KCNMA1: variants seen among roughly 807,000 people sequenced by gnomAD.
KCNMA1 encodes the protein Calcium-activated potassium channel subunit alpha-1.
In KCNMA1, 29 loss-of-function variants were observed where a neutral mutation model predicts 140.0. That is an observed-to-expected ratio of 0.21 (90% CI 0.15 to 0.28). The LOEUF (loss-of-function observed/expected upper bound fraction) is 0.28. Ranked by LOEUF, KCNMA1 falls within the 10% of genes least tolerant of loss-of-function variation. The pLI is 1.00. For missense variants in KCNMA1, 880 were observed against 1,602.2 expected (o/e 0.55, Z 7.70); for synonymous variants, 612 against 611.9 (o/e 1.00, Z 0.00).
At chr10:77,572,444 A>C (rs2071766918) in intron 1 of KCNMA1, among the ~76,000 whole-genome samples, 1 of 150,446 alleles carries the variant, frequency 6.6e-6, no homozygotes, top group Non-Finnish European at 1.5e-5. Flanking sequence ...CTTATCAAAA[A>C]AAAATTCATT....
intron 9 of KCNMA1, among the ~76,000 whole-genome samples, chr10:77,101,612 G>T (rs1008087958): frequency 6.6e-6 from 1 of 152,182 alleles, no homozygotes; most frequent in Admixed American, 6.5e-5. Flanking sequence ...TCAGGCTGGG[G>T]AAGTCACGTG....
At chr10:77,198,884 TA>T (rs2041581674) in intron 3 of KCNMA1, among the ~76,000 whole-genome samples, 1 of 152,120 alleles carries the variant, frequency 6.6e-6, no homozygotes, top group Non-Finnish European at 1.5e-5. Flanking sequence ...TTACTCCTTC[TA>T]AAATGTTCTC....
intron 23 of KCNMA1, among the ~76,000 whole-genome samples, chr10:76,927,752 A>T (rs1209314367): frequency 1.3e-5 from 2 of 152,210 alleles, no homozygotes; most frequent in Non-Finnish European, 2.9e-5. Context: ...TTGTTGTCTC[A>T]TTAAAAAGGA....
intron 3 of KCNMA1, among the ~76,000 whole-genome samples, chr10:77,222,824 G>A (rs2050117812): frequency 6.6e-6 from 1 of 152,218 alleles, no homozygotes; most frequent in Admixed American, 6.5e-5. Context: ...GATTGAAGCT[G>A]ATTGCCATTC....
rs997116689 is a variant in KCNMA1, at chr10:76,887,117, C to T, written c.*149G>A. ...TATGGTGGTGAAATAAAAATGACAA[C>T]CACATGCACACTATCATACATATGC... On this transcript the variant is annotated 3_prime_UTR_variant, in exon 28 of 28. Transcript: ENST00000286628. The T allele has an allele frequency of 3.8e-6, 6 of 1,584,842 alleles. No homozygotes were observed. In the Admixed American group the frequency reaches 5.1e-5, roughly 13 times the overall value.
chr10:77,126,870 C>T (rs1454707257), intron 5 of KCNMA1, among the ~76,000 whole-genome samples: 1 of 152,084 alleles, frequency 6.6e-6, no homozygotes, highest in African/African-American at 2.4e-5. Context: ...CACCCTTATT[C>T]CCTCACAGGC....
chr10:77,573,057 A>C (rs1181978829), intron 1 of KCNMA1, among the ~76,000 whole-genome samples: 2 of 152,162 alleles, frequency 1.3e-5, no homozygotes, highest in Admixed American at 6.5e-5. Context: ...AAAAACACTC[A>C]CTTTTCAGAG....
chr10:77,144,639 G>A (rs1419703409), intron 5 of KCNMA1, among the ~76,000 whole-genome samples: 1 of 152,136 alleles, frequency 6.6e-6, no homozygotes, highest in Non-Finnish European at 1.5e-5. Context: ...GTATCTCCCT[G>A]TCAACAGAGA....
At chr10:77,052,620 C>CAAAAA (rs5786258) in intron 14 of KCNMA1, among the ~76,000 whole-genome samples, 3 of 141,580 alleles carry the variant, frequency 2.1e-5, no homozygotes, top group African/African-American at 2.6e-5. Flanking sequence ...GATGAGTGTG[C>CAAAAA]AAAAAAAAAA....
At chr10:77,372,690 A>C (rs1234805243) in intron 2 of KCNMA1, among the ~76,000 whole-genome samples, 1 of 152,166 alleles carries the variant, frequency 6.6e-6, no homozygotes, top group East Asian at 1.9e-4. Context: ...CCAAGTCATA[A>C]CTGGACATAA....
At chr10:77,519,162 C>T (rs2051828739) in intron 1 of KCNMA1, among the ~76,000 whole-genome samples, 1 of 152,276 alleles carries the variant, frequency 6.6e-6, no homozygotes, top group Non-Finnish European at 1.5e-5. Flanking sequence ...TTCAGCCCGC[C>T]TGGCCTGGGC....
At chr10:77,025,279 T>TATATAC (rs1555137436) in intron 16 of KCNMA1, among the ~76,000 whole-genome samples, 2 of 132,394 alleles carry the variant, frequency 1.5e-5, no homozygotes, top group South Asian at 2.5e-4. Flanking sequence ...TATATATATA[T>TATATAC]ATACACACAC....
intron 5 of KCNMA1, among the ~76,000 whole-genome samples, chr10:77,168,877 GATA>G (rs534722789): frequency 1.3e-4 from 20 of 152,236 alleles, no homozygotes; most frequent in African/African-American, 4.3e-4. Context: ...TAAAAAGAAA[GATA>G]ATAATTTTTT....
chr10:76,999,693 G>GT (rs1353951028), intron 19 of KCNMA1, among the ~76,000 whole-genome samples: 2 of 152,172 alleles, frequency 1.3e-5, no homozygotes, highest in South Asian at 2.1e-4. Context: ...TCTAAGGATT[G>GT]TAACAGAAAT....
At chr10:77,085,822 T>G (rs1275599138) in intron 11 of KCNMA1, among the ~76,000 whole-genome samples, 1 of 152,220 alleles carries the variant, frequency 6.6e-6, no homozygotes, top group Non-Finnish European at 1.5e-5. Flanking sequence ...ATGCAAATAT[T>G]GAACATGCTT....
At chr10:77,196,145 A>G (rs2040400040) in intron 3 of KCNMA1, among the ~76,000 whole-genome samples, 1 of 151,970 alleles carries the variant, frequency 6.6e-6, no homozygotes, top group Non-Finnish European at 1.5e-5. Flanking sequence ...TGTTATTCCT[A>G]TCATTATAAA....
chr10:77,008,932 C>A (rs982376190), intron 18 of KCNMA1, among the ~76,000 whole-genome samples: 12 of 152,228 alleles, frequency 7.9e-5, no homozygotes, highest in African/African-American at 2.9e-4. Context: ...TCTCCAATTT[C>A]CTCACTTGCC....
intron 3 of KCNMA1, among the ~76,000 whole-genome samples, chr10:77,189,523 A>G (rs79453454): frequency 0.056 from 8,591 of 152,248 alleles, 293 homozygotes; most frequent in South Asian, 0.084. Context: ...AGGAAAAATG[A>G]TGAAGTACAG....
chr10:77,373,100 T>A (rs559506335), intron 2 of KCNMA1, among the ~76,000 whole-genome samples: 2 of 152,352 alleles, frequency 1.3e-5, no homozygotes, highest in East Asian at 3.9e-4. Flanking sequence ...TTGACTCCCG[T>A]GTAGGACATT....
Sources: allele counts gnomAD v4.1 joint callset (sites outside exome capture counted in the v4.1 genomes callset), GRCh38; gene constraint gnomAD v4.1.1; transcripts MANE v1.5; gene names NCBI Gene and HGNC (gene_info 2026-07-23, HGNC 2026-07-21).